The following CTNND2 variants were observed in gnomAD, a reference collection of about 807,000 sequenced individuals.
The protein encoded by CTNND2 is catenin delta-2.
In CTNND2, 22 loss-of-function variants were observed where a neutral mutation model predicts 144.4. The observed-to-expected ratio is 0.15, with a 90% CI of 0.11 to 0.22. The LOEUF is 0.22. Among genes scored for constraint, CTNND2 ranks in the 10% least tolerant of loss-of-function variants. The probability of loss-of-function intolerance (pLI) is 1.00; values close to 1 mark genes in which losing one functional copy is unlikely to be tolerated. For synonymous variants in CTNND2, 751 were observed against 695.6 expected (o/e 1.08, Z -1.25); for missense variants, 1,353 against 1,618.8 (o/e 0.84, Z 2.82).
intron 11 of CTNND2, among the ~76,000 whole-genome samples, chr5:11,167,823 G>T (rs1165815944): frequency 6.8e-6 from 1 of 147,910 alleles, no homozygotes. Context: ...TCCCACCTCC[G>T]CCACTTGAGT....
chr5:11,131,843 C>T lies in CTNND2; in HGVS notation c.2160-14276G>A, dbSNP rs1755641490. ...CATTTCAATTCATCCCCTAATTCCACATATGCAGTCATGTAATCTTTTAAT... is the reference window on the plus strand; with the variant it reads ...CATTTCAATTCATCCCCTAATTCCATATATGCAGTCATGTAATCTTTTAAT... On this transcript the variant is annotated intron_variant, in intron 12 of 21. Transcript: ENST00000304623. Among the ~76,000 whole-genome samples the T allele has an allele frequency of 2.0e-5, 3 of 151,994 alleles. No individual in the cohort carries two copies. In the South Asian group the frequency reaches 6.2e-4, roughly 31 times the overall value.
chr5:11,068,654 G>C (rs991070054), intron 16 of CTNND2, among the ~76,000 whole-genome samples: 1 of 152,194 alleles, frequency 6.6e-6, no homozygotes, highest in Non-Finnish European at 1.5e-5. Context: ...GGTGGCTCAC[G>C]CCTGTAATCC....
rs61757517 is a variant in CTNND2, at chr5:11,496,671, C to G, written c.287+68273G>C. Among the ~76,000 whole-genome samples the G allele has an allele frequency of 6.9e-3, 1,043 of 152,228 alleles. 15 individuals carry two copies. The highest frequency in any genetic ancestry group is 0.024 in the African/African-American group (1,000 of 41,544). ...TACTGTCAGTAAAAGGAATTTGCCA[C>G]AAATTTGGCAAATTTTGCATCTACT... On this transcript the variant is annotated intron_variant, in intron 3 of 21. Transcript: ENST00000304623.
At chr5:11,467,064 C>T (rs1392374365) in intron 3 of CTNND2, among the ~76,000 whole-genome samples, 1 of 152,262 alleles carries the variant, frequency 6.6e-6, no homozygotes. Context: ...CACAAGGGCA[C>T]TCACTGAAGC....
chr5:11,466,826 C>T (rs1487624417), intron 3 of CTNND2, among the ~76,000 whole-genome samples: 1 of 152,204 alleles, frequency 6.6e-6, no homozygotes, highest in African/African-American at 2.4e-5. Flanking sequence ...TTCCTTTTGA[C>T]AAACTCATTT....
chr5:11,034,607 G>A (rs1017036006), intron 16 of CTNND2, among the ~76,000 whole-genome samples: 6 of 152,194 alleles, frequency 3.9e-5, no homozygotes, highest in Admixed American at 1.3e-4. Context: ...GACATTGTGA[G>A]GAGTCACAGG....
intron 9 of CTNND2, among the ~76,000 whole-genome samples, chr5:11,291,848 G>T (rs763642940): frequency 4.6e-5 from 7 of 152,058 alleles, no homozygotes; most frequent in Non-Finnish European, 8.8e-5. Flanking sequence ...ATTTCCTGAT[G>T]TCTTGCAAAA....
chr5:11,320,627 T>C (rs1432410186), intron 9 of CTNND2, among the ~76,000 whole-genome samples: 2 of 152,174 alleles, frequency 1.3e-5, no homozygotes, highest in African/African-American at 4.8e-5. Context: ...AGTCACATCT[T>C]ACGTGGATGG....
chr5:11,771,677 G>A (rs907739269), intron 1 of CTNND2, among the ~76,000 whole-genome samples: 2 of 152,118 alleles, frequency 1.3e-5, no homozygotes, highest in African/African-American at 4.8e-5. Flanking sequence ...TGCAGTCACT[G>A]TAATAACTTT....
intron 9 of CTNND2, among the ~76,000 whole-genome samples, chr5:11,243,067 C>T (rs888973716): frequency 6.6e-6 from 1 of 152,130 alleles, no homozygotes; most frequent in African/African-American, 2.4e-5. Context: ...GTTTTATAAA[C>T]CTTATAACCT....
At chr5:11,292,999 T>C (rs1049523654) in intron 9 of CTNND2, among the ~76,000 whole-genome samples, 5 of 152,178 alleles carry the variant, frequency 3.3e-5, no homozygotes, top group African/African-American at 1.2e-4. Context: ...CATCAGCCAA[T>C]GTGCTAAAAT....
At chr5:11,557,960 G>A (rs1776364039) in intron 3 of CTNND2, among the ~76,000 whole-genome samples, 1 of 152,152 alleles carries the variant, frequency 6.6e-6, no homozygotes, top group South Asian at 2.1e-4. Context: ...TTTTCTTTAG[G>A]AAGGGCACAG....
At chr5:11,440,512 T>C (rs62337502) in intron 3 of CTNND2, among the ~76,000 whole-genome samples, 12,053 of 152,246 alleles carry the variant, frequency 0.079, 522 homozygotes, top group South Asian at 0.11. Flanking sequence ...TCCAAATTCT[T>C]AGGTATGATT....
intron 1 of CTNND2, among the ~76,000 whole-genome samples, chr5:11,787,119 A>G (rs1371622567): frequency 6.6e-6 from 1 of 152,256 alleles, no homozygotes; most frequent in African/African-American, 2.4e-5. Flanking sequence ...TGGACAAGTT[A>G]TTAAAGTCCC....
chr5:11,647,961 A>G (rs1782449490), intron 2 of CTNND2, among the ~76,000 whole-genome samples: 1 of 152,188 alleles, frequency 6.6e-6, no homozygotes, highest in South Asian at 2.1e-4. Flanking sequence ...TAGACAAAGG[A>G]GCAGGCTTGC....
intron 2 of CTNND2, among the ~76,000 whole-genome samples, chr5:11,614,044 T>A (rs183819460): frequency 8.6e-4 from 131 of 152,330 alleles, no homozygotes; most frequent in Middle Eastern, 3.4e-3. Flanking sequence ...GTTTGAATAC[T>A]TTCAATAAAA....
At chr5:11,221,093 A>G (rs535436919) in intron 10 of CTNND2, among the ~76,000 whole-genome samples, 54 of 152,322 alleles carry the variant, frequency 3.5e-4, no homozygotes, top group Middle Eastern at 6.8e-3. Flanking sequence ...GAGCATGGTT[A>G]AAAAGTGCAC....
intron 9 of CTNND2, among the ~76,000 whole-genome samples, chr5:11,328,707 C>A (rs192537766): frequency 2.3e-3 from 309 of 132,576 alleles, no homozygotes; most frequent in Non-Finnish European, 4.5e-3. Context: ...ATACTCCCAA[C>A]AGCCCCTCTT....
chr5:11,791,112 G>A (rs1249834444), intron 1 of CTNND2, among the ~76,000 whole-genome samples: 1 of 152,160 alleles, frequency 6.6e-6, no homozygotes, highest in Non-Finnish European at 1.5e-5. Context: ...GAATGCCTGG[G>A]GTTACCAGGA....
Sources: gnomAD v4.1 joint callset for allele counts (sites outside exome capture counted in the v4.1 genomes callset) on GRCh38, gnomAD v4.1.1 for gene constraint, MANE v1.5 for transcripts, NCBI Gene and HGNC (gene_info 2026-07-23, HGNC 2026-07-21) for gene names.